CSMD1: variants seen among roughly 807,000 people sequenced by gnomAD.
The protein encoded by CSMD1 is CUB and Sushi multiple domains 1, also known as CUB and sushi domain-containing protein 1.
A neutral mutation model predicts 417.5 loss-of-function variants in CSMD1; 213 were observed. That is an observed-to-expected ratio of 0.51 (90% CI 0.46 to 0.57). The LOEUF is 0.57. CSMD1 is among the 20% of genes least tolerant of loss of function. The probability of loss-of-function intolerance (pLI) is 0.00; values close to 1 mark genes in which losing one functional copy is unlikely to be tolerated. For synonymous variants in CSMD1, 2,862 were observed against 1,736.8 expected, an observed-to-expected ratio of 1.65 and a Z score of -16.11; for missense variants, 6,923 against 4,529.7, an observed-to-expected ratio of 1.53 and a Z score of -15.17.
At chr8:3,954,032 C>T (rs148368795) in intron 5 of CSMD1, among the ~76,000 whole-genome samples, 353 of 152,206 alleles carry the variant, frequency 2.3e-3, no homozygotes, top group African/African-American at 8.0e-3. Flanking sequence ...TCATGGTGAG[C>T]GGGGCACATG....
chr8:4,423,608 T>A (rs546812457), intron 2 of CSMD1, among the ~76,000 whole-genome samples: 13 of 152,124 alleles, frequency 8.5e-5, no homozygotes, highest in Admixed American at 4.6e-4. Flanking sequence ...GAAGACTCAA[T>A]AATGTAAAGA....
intron 3 of CSMD1, among the ~76,000 whole-genome samples, chr8:4,261,083 T>C (rs527557268): frequency 1.3e-5 from 2 of 152,320 alleles, no homozygotes; most frequent in African/African-American, 4.8e-5. Flanking sequence ...TTTTGTGCTA[T>C]ATATAATTTT....
intron 36 of CSMD1, among the ~76,000 whole-genome samples, chr8:3,185,630 C>G (rs1301904223): frequency 6.6e-6 from 1 of 152,096 alleles, no homozygotes; most frequent in Non-Finnish European, 1.5e-5. Flanking sequence ...GATAGTTACT[C>G]GAGGGAAGGC....
At chr8:4,195,699 G>A (rs113847742) in intron 3 of CSMD1, among the ~76,000 whole-genome samples, 16 of 152,284 alleles carry the variant, frequency 1.1e-4, no homozygotes, top group African/African-American at 3.4e-4. Context: ...TCCACGCAGG[G>A]AGAAATTGTG....
chr8:4,274,050 G>T (rs151015451), intron 3 of CSMD1, among the ~76,000 whole-genome samples: 1 of 152,220 alleles, frequency 6.6e-6, no homozygotes, highest in Admixed American at 6.5e-5. Flanking sequence ...CAGAGTTGAA[G>T]TAAGAAACTG....
At chr8:4,455,551 G>T (rs1427480238) in intron 2 of CSMD1, among the ~76,000 whole-genome samples, 3 of 152,074 alleles carry the variant, frequency 2.0e-5, no homozygotes, top group African/African-American at 7.2e-5. Context: ...TCACTTTATA[G>T]AATATGACCT....
chr8:3,984,270 T>A (rs919396696), intron 5 of CSMD1, among the ~76,000 whole-genome samples: 2 of 152,194 alleles, frequency 1.3e-5, no homozygotes, highest in Admixed American at 6.5e-5. Context: ...AAATGTCACA[T>A]TGATGTCCCC....
At chr8:4,530,575 A>G (rs1387969641) in intron 2 of CSMD1, among the ~76,000 whole-genome samples, 2 of 147,708 alleles carry the variant, frequency 1.4e-5, no homozygotes, top group Non-Finnish European at 1.5e-5. Context: ...GCTCCCACTT[A>G]TGAGTGAGGA....
intron 7 of CSMD1, among the ~76,000 whole-genome samples, chr8:3,686,137 A>G (rs1366506939): frequency 3.9e-5 from 6 of 151,900 alleles, no homozygotes; most frequent in Non-Finnish European, 4.4e-5. Context: ...AAAACTGTCT[A>G]TGGGACTATT....
chr8:4,637,732 G>A (rs1029854705), intron 1 of CSMD1, among the ~76,000 whole-genome samples, 174 bp from the exon 2 acceptor site: 1 of 138,356 alleles, frequency 7.2e-6, no homozygotes, highest in Admixed American at 8.6e-5. Flanking sequence ...CTGCAGTGGC[G>A]CGATCTCAGC....
chr8:4,038,994 CA>C (rs1797754064), intron 3 of CSMD1, among the ~76,000 whole-genome samples: 1 of 152,136 alleles, frequency 6.6e-6, no homozygotes, highest in African/African-American at 2.4e-5. Flanking sequence ...CCAGCTGTTT[CA>C]ATGGTTAAGT....
intron 11 of CSMD1, among the ~76,000 whole-genome samples, chr8:3,479,218 G>C (rs982881002): frequency 6.6e-6 from 1 of 152,194 alleles, no homozygotes; most frequent in East Asian, 1.9e-4. Flanking sequence ...CCTAAACAAG[G>C]TACTTGCTTG....
chr8:3,604,304 G>T (rs1284668789), intron 8 of CSMD1, among the ~76,000 whole-genome samples: 1 of 152,102 alleles, frequency 6.6e-6, no homozygotes, highest in Non-Finnish European at 1.5e-5. Flanking sequence ...GGCTGCGGGG[G>T]GGGACCAAAG....
chr8:4,530,528 T>C (rs1186517703), intron 2 of CSMD1, among the ~76,000 whole-genome samples: 1 of 150,398 alleles, frequency 6.6e-6, no homozygotes, highest in Non-Finnish European at 1.5e-5. Flanking sequence ...CAGTGTGTGA[T>C]GTTCCCCTCC....
chr8:3,019,661 T>G (rs1258000301), intron 51 of CSMD1, among the ~76,000 whole-genome samples: 2 of 152,228 alleles, frequency 1.3e-5, no homozygotes, highest in East Asian at 1.9e-4. Flanking sequence ...CTATGCCCCA[T>G]GTTTACACCT....
intron 8 of CSMD1, among the ~76,000 whole-genome samples, chr8:3,614,848 G>A (rs1428865189): frequency 1.3e-5 from 2 of 152,166 alleles, no homozygotes; most frequent in Non-Finnish European, 2.9e-5. Context: ...GAAAACAGAT[G>A]TGTGAGCACA....
chr8:4,180,334 A>C (rs200383128), intron 3 of CSMD1, among the ~76,000 whole-genome samples: 3 of 150,656 alleles, frequency 2.0e-5, no homozygotes, highest in Non-Finnish European at 4.4e-5. Flanking sequence ...AGGACAAAAA[A>C]CCAAACAATG....
chr8:4,968,037 C>A (rs534302128), intron 1 of CSMD1, among the ~76,000 whole-genome samples: 180 of 151,998 alleles, frequency 1.2e-3, no homozygotes, highest in African/African-American at 4.2e-3. Flanking sequence ...GACAAATAAA[C>A]CAAGCCAGCC....
chr8:4,578,603 T>C (rs1220441700), intron 2 of CSMD1, among the ~76,000 whole-genome samples: 8 of 151,284 alleles, frequency 5.3e-5, no homozygotes, highest in African/African-American at 1.5e-4. Flanking sequence ...GTTCACGAGG[T>C]CAGGAGTTCA....
Sources: allele counts gnomAD v4.1 joint callset (sites outside exome capture counted in the v4.1 genomes callset), GRCh38; gene constraint gnomAD v4.1.1; transcripts MANE v1.5; gene names NCBI Gene and HGNC (gene_info 2026-07-23, HGNC 2026-07-21).